ITFG1: variants seen among roughly 807,000 people sequenced by gnomAD.
ITFG1 encodes the protein T-cell immunomodulatory protein.
In ITFG1, 34 loss-of-function variants were observed where a neutral mutation model predicts 81.8. The observed-to-expected ratio is 0.42, with a 90% CI of 0.32 to 0.55. The LOEUF is 0.55. Among genes scored for constraint, ITFG1 ranks in the 20% least tolerant of loss-of-function variants. ITFG1 has a pLI of 0.17. For missense variants in ITFG1, 672 were observed against 755.4 expected (o/e 0.89, Z 1.29); for synonymous variants, 285 against 270.6 (o/e 1.05, Z -0.52).
At chr16:47,455,365 A>G (rs1459722639) in intron 2 of ITFG1, among the ~76,000 whole-genome samples, 1 of 151,920 alleles carries the variant, frequency 6.6e-6, no homozygotes, top group Non-Finnish European at 1.5e-5. Context: ...TCAAAATTAC[A>G]CTTAAGAGAA....
chr16:47,345,540 C>T (rs1967842133), intron 8 of ITFG1, among the ~76,000 whole-genome samples: 1 of 152,086 alleles, frequency 6.6e-6, no homozygotes, highest in East Asian at 1.9e-4. Context: ...CTCAAGAGAT[C>T]CGCCCACCTT....
intron 12 of ITFG1, among the ~76,000 whole-genome samples, chr16:47,255,877 A>C (rs556541061): frequency 6.6e-6 from 1 of 152,226 alleles, no homozygotes; most frequent in South Asian, 2.1e-4. Flanking sequence ...GGAGAGATTA[A>C]ATGTGATATT....
chr16:47,399,030 C>T (rs1431308205), intron 6 of ITFG1, among the ~76,000 whole-genome samples: 3 of 152,188 alleles, frequency 2.0e-5, no homozygotes, highest in Non-Finnish European at 4.4e-5. Context: ...GTGCTTCCCT[C>T]TCTTTACAGA....
chr16:47,346,145 C>T (rs1596914769), intron 8 of ITFG1, among the ~76,000 whole-genome samples: 2 of 152,258 alleles, frequency 1.3e-5, no homozygotes, highest in South Asian at 4.1e-4. Flanking sequence ...TCTGGTCTTA[C>T]AGAATGAGTT....
At chr16:47,403,761 TACACACACACACACACACACAC>T (rs55978309) in intron 6 of ITFG1, among the ~76,000 whole-genome samples, 5 of 133,168 alleles carry the variant, frequency 3.8e-5, no homozygotes, top group Non-Finnish European at 6.4e-5. Flanking sequence ...TCTCTCTTGG[TACACACACACACACACACACAC>T]ACACACACAC....
chr16:47,427,875 G>C (rs968178589), intron 6 of ITFG1, among the ~76,000 whole-genome samples: 9 of 152,156 alleles, frequency 5.9e-5, no homozygotes, highest in Non-Finnish European at 8.8e-5. Flanking sequence ...GGCTCATGCT[G>C]GTAATCCCAC....
In ITFG1 at chr16:47,304,309, G is replaced by A. The variant is rs183047522; in HGVS notation, c.1070+6931C>T. On this transcript the variant is annotated intron_variant, in intron 10 of 17. Coordinates refer to ENST00000320640, the MANE Select transcript of ITFG1 (RefSeq NM_030790.5). ...AGGAATGGTATTTCAATCTTCAGAA[G>A]GAATTTTCAGGGTAGGTATAACCAC... is the stretch of plus-strand genomic sequence containing the variant. 3.3e-3 allele frequency among the ~76,000 whole-genome samples: 505 copies of A among 152,182 alleles called. 3 individuals carry two copies. Among genetic ancestry groups the A allele is most frequent in the African/African-American group, 0.012 (484 of 41,526 alleles).
rs1555506927 is a variant in ITFG1, at chr16:47,264,591, C to CAG, written c.1071-3898_1071-3897dup. On this transcript the variant is annotated intron_variant, in intron 10 of 17. Coordinates refer to ENST00000320640, the MANE Select transcript of ITFG1 (RefSeq NM_030790.5). ...ACACACACACACACACACACACACA[C>CAG]AGAGATAGAGAGAAAATTTTTCTTT... Among the ~76,000 whole-genome samples, 1,149 of 140,578 alleles carry CAG rather than the reference C, an allele frequency of 8.2e-3. 6 individuals carry two copies. The highest frequency in any genetic ancestry group is 0.013 in the Non-Finnish European group (825 of 63,976). The allele number at this position is 140,578 out of a possible 152,430, so 92.2% of individuals were successfully genotyped here.
In ITFG1 at chr16:47,180,431, G is replaced by C. The variant is rs537496524; in HGVS notation, c.1454-17767C>G. On this transcript the variant is annotated intron_variant, in intron 14 of 17. Transcript: ENST00000320640. ...CTTTCCACGGTCTCCCTCTGATGCC[G>C]AGCCAAAGCTGGACTGTACTGCTGC... 1.6e-3 allele frequency among the ~76,000 whole-genome samples: 245 copies of C among 150,092 alleles called. 1 individual carries two copies. The highest frequency in any genetic ancestry group is 2.7e-3 in the Non-Finnish European group (184 of 67,678).
intron 14 of ITFG1, among the ~76,000 whole-genome samples, chr16:47,205,004 A>C (rs1487678356): frequency 6.6e-6 from 1 of 152,186 alleles, no homozygotes; most frequent in Non-Finnish European, 1.5e-5. Context: ...TGCCTCTCCA[A>C]ATCTTTTCCT....
intron 6 of ITFG1, among the ~76,000 whole-genome samples, chr16:47,378,554 A>T (rs1968356365): frequency 6.6e-6 from 1 of 152,238 alleles, no homozygotes; most frequent in African/African-American, 2.4e-5. Context: ...GCATATTTAA[A>T]GAATTTAGGA....
chr16:47,313,634 T>G (rs927986101), intron 9 of ITFG1, 95 bp downstream of exon 9: 5 of 539,372 alleles, frequency 9.3e-6, no homozygotes, highest in Non-Finnish European at 1.6e-5. Context: ...TGGGGTTCCC[T>G]CTGTTCTGAT....
In ITFG1 at chr16:47,217,781, C is replaced by T. The variant is rs374390447; in HGVS notation, c.1453+1087G>A. ...TCTACTAAAAATATAAAAAATTAGC[C>T]GGGTGTAGTGGCGGGCACCTGTGGT... is the stretch of plus-strand genomic sequence containing the variant. On this transcript the variant is annotated intron_variant, in intron 14 of 17. Transcript: ENST00000320640. Among the ~76,000 whole-genome samples the T allele has an allele frequency of 7.2e-5, 11 of 152,164 alleles. No homozygotes were observed. In the East Asian group the frequency reaches 1.5e-3, roughly 21 times the overall value.
chr16:47,243,110 C>T (rs1301522182), intron 12 of ITFG1, among the ~76,000 whole-genome samples: 1 of 152,032 alleles, frequency 6.6e-6, no homozygotes, highest in Non-Finnish European at 1.5e-5. Context: ...TTGAAAACCA[C>T]ATGATATATG....
chr16:47,431,964 TTC>T (rs1477572422), intron 5 of ITFG1, among the ~76,000 whole-genome samples: 3 of 152,332 alleles, frequency 2.0e-5, no homozygotes, highest in Admixed American at 6.5e-5. Context: ...CCAAAAGATC[TTC>T]TCTCTTCTCT....
At chr16:47,156,089 G>A (rs986334166) in intron 17 of ITFG1, among the ~76,000 whole-genome samples, 2 of 152,104 alleles carry the variant, frequency 1.3e-5, no homozygotes, top group Non-Finnish European at 2.9e-5. Flanking sequence ...GATTCTATAA[G>A]GATGAATCAA....
intron 14 of ITFG1, among the ~76,000 whole-genome samples, chr16:47,201,103 C>T (rs1365660879): frequency 6.6e-6 from 1 of 152,132 alleles, no homozygotes; most frequent in African/African-American, 2.4e-5. Context: ...TACTATATAC[C>T]TGATAATGGG....
intron 14 of ITFG1, among the ~76,000 whole-genome samples, chr16:47,163,865 T>C (rs1261515014): frequency 1.3e-5 from 2 of 151,512 alleles, no homozygotes. Context: ...AAATGACTAA[T>C]AGTTATTAGC....
intron 10 of ITFG1, among the ~76,000 whole-genome samples, chr16:47,302,549 T>G (rs777443839): frequency 6.6e-6 from 1 of 152,148 alleles, no homozygotes; most frequent in Non-Finnish European, 1.5e-5. Flanking sequence ...CAGCCCTATG[T>G]CCAAGATCTT....
Sources: allele counts gnomAD v4.1 joint callset (sites outside exome capture counted in the v4.1 genomes callset), GRCh38; gene constraint gnomAD v4.1.1; transcripts MANE v1.5; gene names NCBI Gene and HGNC (gene_info 2026-07-23, HGNC 2026-07-21).